Variants in DLGAP2 observed in about 807,000 individuals in gnomAD.
The protein encoded by DLGAP2 is disks large-associated protein 2.
Under a neutral mutation model 100.3 loss-of-function variants are expected in DLGAP2, and 26 were observed. That is an observed-to-expected ratio of 0.26 (90% CI 0.19 to 0.36). DLGAP2 has a LOEUF of 0.36. Ranked by LOEUF, DLGAP2 falls within the 10% of genes least tolerant of loss-of-function variation. The pLI is 1.00. For missense variants in DLGAP2, 1,858 were observed against 1,453.2 expected, an observed-to-expected ratio of 1.28 and a Z score of -4.53; for synonymous variants, 886 against 630.1, an observed-to-expected ratio of 1.41 and a Z score of -6.08.
intron 3 of DLGAP2, among the ~76,000 whole-genome samples, chr8:1,271,654 C>T (rs1233069104): frequency 1.3e-5 from 2 of 152,100 alleles, no homozygotes; most frequent in East Asian, 1.9e-4. Flanking sequence ...AAATGGTTCC[C>T]ACAAGTGGTG....
At chr8:1,609,582 C>A (rs1014318868) in intron 6 of DLGAP2, among the ~76,000 whole-genome samples, 1 of 130,710 alleles carries the variant, frequency 7.7e-6, no homozygotes, top group African/African-American at 2.6e-5. Context: ...AATTAAAAGA[C>A]ACAGACTGGC....
chr8:1,447,596 C>G (rs1295030531), intron 3 of DLGAP2, among the ~76,000 whole-genome samples: 2 of 152,164 alleles, frequency 1.3e-5, no homozygotes, highest in Admixed American at 6.5e-5. Context: ...TGATGCTGGC[C>G]TCATAAAATG....
intron 3 of DLGAP2, among the ~76,000 whole-genome samples, chr8:1,271,875 T>C (rs1214234460): frequency 1.3e-5 from 2 of 152,196 alleles, no homozygotes; most frequent in African/African-American, 4.8e-5. Flanking sequence ...AGTTCAGTGG[T>C]GCAACCTCAG....
chr8:1,441,937 G>A (rs1797846284), intron 3 of DLGAP2, among the ~76,000 whole-genome samples: 2 of 152,092 alleles, frequency 1.3e-5, no homozygotes, highest in Admixed American at 1.3e-4. Context: ...CCATGAAAAG[G>A]GACAAGATCA....
intron 3 of DLGAP2, among the ~76,000 whole-genome samples, chr8:1,348,862 A>G (rs1025667591): frequency 2.0e-5 from 3 of 152,140 alleles, no homozygotes; most frequent in East Asian, 1.9e-4. Context: ...TTCCCCATCC[A>G]TGTCCTGCTT....
intron 2 of DLGAP2, among the ~76,000 whole-genome samples, chr8:1,036,867 T>C (rs928620687): frequency 6.6e-5 from 10 of 152,138 alleles, no homozygotes; most frequent in Non-Finnish European, 1.3e-4. Context: ...CTGCTCTTGA[T>C]TTTACCCCTT....
intron 3 of DLGAP2, among the ~76,000 whole-genome samples, chr8:1,285,034 T>G (rs1369969920): frequency 1.3e-5 from 2 of 152,228 alleles, no homozygotes; most frequent in Non-Finnish European, 2.9e-5. Flanking sequence ...TTTTGGTGTT[T>G]TTCCATAATT....
At chr8:1,566,699 C>T (rs558987022) in intron 6 of DLGAP2, among the ~76,000 whole-genome samples, 2 of 152,252 alleles carry the variant, frequency 1.3e-5, no homozygotes, top group Non-Finnish European at 2.9e-5. Flanking sequence ...CCCTGGGCCA[C>T]AGGGCCCTCC....
intron 4 of DLGAP2, among the ~76,000 whole-genome samples, chr8:1,534,829 G>A (rs891920690): frequency 5.3e-5 from 8 of 152,214 alleles, no homozygotes; most frequent in African/African-American, 1.4e-4. Flanking sequence ...GTGCGTGTGC[G>A]CACGTGTGCT....
At chr8:1,482,116 C>A (rs1799116358) in intron 3 of DLGAP2, among the ~76,000 whole-genome samples, 1 of 152,238 alleles carries the variant, frequency 6.6e-6, no homozygotes, top group African/African-American at 2.4e-5. Context: ...ACATCTGTCA[C>A]CCCGTGTCAT....
At position 1,059,385 on chromosome 8, in the gene DLGAP2, G is replaced by A. The variant is rs144608971; in HGVS notation, c.73+151419G>A. 9.7e-4 allele frequency among the ~76,000 whole-genome samples: 148 copies of A among 152,264 alleles called. 1 individual carries two copies. The highest frequency in any genetic ancestry group is 1.9e-3 in the Non-Finnish European group (126 of 68,012). ...TATTCCTTAGGAACACAGCTCTGGA[G>A]CCGCACTCCTGAGCCCGAAGGCTTG... On this transcript the variant is annotated intron_variant, in intron 2 of 14. Transcript: ENST00000637795.
intron 6 of DLGAP2, among the ~76,000 whole-genome samples, chr8:1,587,066 C>A (rs1043352049): frequency 6.6e-6 from 1 of 152,224 alleles, no homozygotes; most frequent in Non-Finnish European, 1.5e-5. Flanking sequence ...CCCACAGACA[C>A]TGGCTTATTG....
intron 3 of DLGAP2, among the ~76,000 whole-genome samples, chr8:1,344,341 C>T (rs1050843059): frequency 3.9e-5 from 6 of 152,182 alleles, no homozygotes; most frequent in Non-Finnish European, 8.8e-5. Context: ...CTGCATTGCC[C>T]TCACACCTCG....
At chr8:1,555,291 C>T (rs1403071741) in intron 5 of DLGAP2, among the ~76,000 whole-genome samples, 2 of 152,290 alleles carry the variant, frequency 1.3e-5, no homozygotes, top group Non-Finnish European at 2.9e-5. Flanking sequence ...CCCCATCCAT[C>T]CAGTGTGAGT....
intron 1 of DLGAP2, among the ~76,000 whole-genome samples, chr8:892,723 G>C (rs2128995882): frequency 6.6e-6 from 1 of 152,322 alleles, no homozygotes; most frequent in Admixed American, 6.5e-5. Flanking sequence ...GGAACCACCA[G>C]GCGGGGCAGA....
Position 944,395 on chromosome 8 carries a change from G to T in DLGAP2, c.73+36429G>T, listed in dbSNP as rs554111546. 3.3e-5 allele frequency among the ~76,000 whole-genome samples: 5 copies of T among 152,248 alleles called. No individual in the cohort carries two copies. The South Asian group carries it at 1.0e-3, about 32-fold the overall frequency. On this transcript the variant is annotated intron_variant, in intron 2 of 14. Coordinates refer to ENST00000637795, the MANE Select transcript of DLGAP2 (RefSeq NM_001346810.2). ...AGTGAGTGGTAACCAATCCCTGTGG[G>T]TGATCCAGCAGGTGGTAATTGATCC... is the stretch of plus-strand genomic sequence containing the variant.
At chr8:739,648 A>G (rs906962013) in intron 1 of DLGAP2, 2 of 152,266 alleles carry the variant, frequency 1.3e-5, no homozygotes, top group African/African-American at 4.8e-5. Flanking sequence ...GTTTAAAAAA[A>G]TGTCATTAAT....
At chr8:1,216,327 C>T (rs1437441755) in intron 2 of DLGAP2, among the ~76,000 whole-genome samples, 1 of 152,070 alleles carries the variant, frequency 6.6e-6, no homozygotes, top group Admixed American at 6.6e-5. Flanking sequence ...CATGTCCGTA[C>T]TTCAGGGACT....
chr8:1,293,441 C>T (rs144507280), intron 3 of DLGAP2, among the ~76,000 whole-genome samples: 16 of 152,346 alleles, frequency 1.1e-4, no homozygotes, highest in African/African-American at 3.4e-4. Context: ...TGAGCCATGG[C>T]TCCTTCCCTG....
Sources: allele counts gnomAD v4.1 joint callset (sites outside exome capture counted in the v4.1 genomes callset), GRCh38; gene constraint gnomAD v4.1.1; transcripts MANE v1.5; gene names NCBI Gene and HGNC (gene_info 2026-07-23, HGNC 2026-07-21).